Variants in PRPSAP2 observed in about 807,000 individuals in gnomAD.
PRPSAP2 encodes the protein phosphoribosyl pyrophosphate synthase-associated protein 2.
Under a neutral mutation model 40.6 loss-of-function variants are expected in PRPSAP2, and 24 were observed. The observed-to-expected ratio is 0.59, with a 90% CI of 0.43 to 0.83. The LOEUF (loss-of-function observed/expected upper bound fraction) is 0.83. Among genes scored for constraint, PRPSAP2 ranks in the 40% least tolerant of loss-of-function variants. The pLI is 0.00. For synonymous variants in PRPSAP2, 149 were observed against 164.7 expected, an observed-to-expected ratio of 0.90 and a Z score of 0.73; for missense variants, 292 against 465.6, an observed-to-expected ratio of 0.63 and a Z score of 3.43.
In PRPSAP2 at chr17:18,863,556, G is replaced by A. The variant is rs189447528; in HGVS notation, c.-128-1913G>A. On this transcript the variant is annotated intron_variant, in intron 1 of 11. Transcript: ENST00000268835. ...TTCTTTTCTTTTCTTTATTTGAAAC[G>A]GAGTCTCGCTCTGTCGCCCAGGCTG... is the stretch of plus-strand genomic sequence containing the variant. 4.3e-3 allele frequency among the ~76,000 whole-genome samples: 647 copies of A among 149,968 alleles called. 5 individuals carry two copies. Among genetic ancestry groups the A allele is most frequent in the Non-Finnish European group, 5.3e-3 (360 of 67,564 alleles).
At chr17:18,925,299 T>C (rs1481615515) in intron 10 of PRPSAP2, among the ~76,000 whole-genome samples, 1 of 152,226 alleles carries the variant, frequency 6.6e-6, no homozygotes, top group Non-Finnish European at 1.5e-5. Flanking sequence ...ACCAGGTACC[T>C]AGAGGCCTCC....
Position 18,870,934 on chromosome 17 carries a change from A to C in PRPSAP2, c.173-1649A>C, listed in dbSNP as rs184437915. On this transcript the variant is annotated intron_variant, in intron 4 of 11. Coordinates refer to ENST00000268835, the MANE Select transcript of PRPSAP2 (RefSeq NM_002767.4). Reference sequence around the variant, plus strand: ...CCAAAGTGCTGGGATTACAGGTGTGAGACACCGCACCCAGCCCAACAACAA... The same window carrying C: ...CCAAAGTGCTGGGATTACAGGTGTGCGACACCGCACCCAGCCCAACAACAA... Among the ~76,000 whole-genome samples, 343 of 152,072 alleles carry C rather than the reference A, an allele frequency of 2.3e-3. 3 individuals are homozygous for C. The highest frequency in any genetic ancestry group is 0.015 in the South Asian group (73 of 4,824).
intron 1 of PRPSAP2, among the ~76,000 whole-genome samples, chr17:18,863,299 G>A (rs948607963): frequency 1.3e-5 from 2 of 151,786 alleles, no homozygotes; most frequent in African/African-American, 2.4e-5. Flanking sequence ...CTATGTAGCC[G>A]AGGCTGGTCT....
At chr17:18,869,113 A>T (rs765467121) in intron 4 of PRPSAP2, among the ~76,000 whole-genome samples, 9 of 152,166 alleles carry the variant, frequency 5.9e-5, no homozygotes, top group Non-Finnish European at 1.3e-4. Context: ...AGGGAGAAGC[A>T]GTGGCATAAG....
intron 4 of PRPSAP2, among the ~76,000 whole-genome samples, chr17:18,871,278 C>T (rs1345685538): frequency 6.6e-6 from 1 of 152,138 alleles, no homozygotes; most frequent in Admixed American, 6.5e-5. Flanking sequence ...CCTGGGCCTC[C>T]CAAAGTTCTG....
chr17:18,908,259 A>G, intron 8 of PRPSAP2: 1 of 761,640 alleles, frequency 1.3e-6, no homozygotes, highest in Non-Finnish European at 2.4e-6. Context: ...CACTCAGCCG[A>G]GCTGCCGCTT....
At chr17:18,908,517 G>A in intron 8 of PRPSAP2, 1 of 757,478 alleles carries the variant, frequency 1.3e-6, no homozygotes, top group Non-Finnish European at 2.5e-6. Flanking sequence ...AAGGAGAAAG[G>A]GACCATCTGC....
At chr17:18,885,789 G>C (rs1448123013) in intron 7 of PRPSAP2, among the ~76,000 whole-genome samples, 1 of 152,150 alleles carries the variant, frequency 6.6e-6, no homozygotes, top group Non-Finnish European at 1.5e-5. Context: ...GTTTCTCCTT[G>C]TTGGTCAGGC....
intron 5 of PRPSAP2, among the ~76,000 whole-genome samples, chr17:18,873,728 T>TA (rs1384023995): frequency 6.6e-6 from 1 of 152,096 alleles, no homozygotes; most frequent in Non-Finnish European, 1.5e-5. Context: ...GCTGAGAGGA[T>TA]AAAAAACTGT....
At chr17:18,891,483 ATG>A (rs1005799046) in intron 8 of PRPSAP2, among the ~76,000 whole-genome samples, 2 of 152,246 alleles carry the variant, frequency 1.3e-5, no homozygotes, top group African/African-American at 4.8e-5. Flanking sequence ...GAATTTTAGA[ATG>A]TAAACATTTC....
At chr17:18,918,619 GC>G (rs1461431970) in intron 9 of PRPSAP2, among the ~76,000 whole-genome samples, 1 of 152,236 alleles carries the variant, frequency 6.6e-6, no homozygotes, top group Non-Finnish European at 1.5e-5. Flanking sequence ...AGCAGGCCAG[GC>G]CTGCATCTGT....
intron 9 of PRPSAP2, among the ~76,000 whole-genome samples, chr17:18,912,787 C>T (rs927277231): frequency 1.9e-4 from 29 of 152,256 alleles, no homozygotes; most frequent in African/African-American, 6.7e-4. Context: ...GTAGTCCCAG[C>T]GTTTTGGGTA....
intron 4 of PRPSAP2, 105 bp downstream of exon 4, chr17:18,867,439 T>A: frequency 7.4e-7 from 1 of 1,358,134 alleles, no homozygotes; most frequent in Non-Finnish European, 1.0e-6. Flanking sequence ...CAGTTGTACA[T>A]TTCCATTAGC....
At position 18,930,782 on chromosome 17, in the gene PRPSAP2, A is replaced by G. The variant is rs2042218574; in HGVS notation, c.*84A>G. ...TGGGATGGATTTCACAGGAACCGTC[A>G]TGCTTGTTCCTCCCTCTCCCCTGTA... On this transcript the variant is annotated 3_prime_UTR_variant, in exon 12 of 12. Coordinates refer to ENST00000268835, the MANE Select transcript of PRPSAP2 (RefSeq NM_002767.4). 1.6e-6 allele frequency: 2 copies of G among 1,279,056 alleles called. No individual in the cohort carries two copies. Among genetic ancestry groups the G allele is most frequent in the South Asian group, 3.5e-5 (2 of 57,944 alleles). 79.2% of individuals were successfully genotyped at this position (1,279,056 alleles called of 1,614,324 possible).
chr17:18,871,660 T>C (rs4924937), intron 4 of PRPSAP2, among the ~76,000 whole-genome samples: 8 of 32,338 alleles, frequency 2.5e-4, no homozygotes, highest in East Asian at 4.3e-4. Flanking sequence ...TTTCTTTTTT[T>C]TTTTTTTTTT....
At chr17:18,898,246 C>T (rs1014761841) in intron 8 of PRPSAP2, among the ~76,000 whole-genome samples, 11 of 152,102 alleles carry the variant, frequency 7.2e-5, no homozygotes, top group South Asian at 2.1e-4. Context: ...ATCTGCCCAC[C>T]GCGGCCTCCC....
In PRPSAP2 at chr17:18,867,318, C is replaced by T; in HGVS notation, c.156C>T (p.Tyr52=). ...TGGAGATGGGCAAAGTGCAGGTTTACCAGGAACCTAACAGAGGTGAGCTAT... is the reference window on the plus strand; with the variant it reads ...TGGAGATGGGCAAAGTGCAGGTTTATCAGGAACCTAACAGAGGTGAGCTAT... The part of the protein sequence containing the change: ...LGVEMGKVQV[Y]QEPNRETRVQ... Residue 52 remains tyrosine (Y), a synonymous_variant, in exon 4 of 12, where the codon TAC becomes TAT. Transcript: ENST00000268835. 3 of 1,614,100 alleles carry T rather than the reference C, an allele frequency of 1.9e-6. No individual in the cohort carries two copies. Among genetic ancestry groups the T allele is most frequent in the Non-Finnish European group, 1.7e-6 (2 of 1,180,012 alleles).
At chr17:18,878,090 A>AT (rs943152292) in intron 6 of PRPSAP2, among the ~76,000 whole-genome samples, 6 of 151,990 alleles carry the variant, frequency 3.9e-5, no homozygotes, top group Non-Finnish European at 7.4e-5. Flanking sequence ...TAATTTTTAA[A>AT]TTTTTTGTAG....
chr17:18,890,163 T>G (rs1023467187), intron 8 of PRPSAP2, among the ~76,000 whole-genome samples: 7 of 151,332 alleles, frequency 4.6e-5, no homozygotes, highest in Non-Finnish European at 8.9e-5. Flanking sequence ...TTATTATTTA[T>G]TTTATTTTAT....
Sources: allele counts gnomAD v4.1 joint callset (sites outside exome capture counted in the v4.1 genomes callset), GRCh38; gene constraint gnomAD v4.1.1; transcripts MANE v1.5; gene names NCBI Gene and HGNC (gene_info 2026-07-23, HGNC 2026-07-21).